The following EPB41 variants were observed in gnomAD, a reference collection of about 807,000 sequenced individuals.
EPB41 encodes the protein erythrocyte membrane protein band 4.1.
Under a neutral mutation model 108.0 loss-of-function variants are expected in EPB41, and 65 were observed. The observed-to-expected ratio is 0.60, with a 90% CI of 0.49 to 0.74. The LOEUF (loss-of-function observed/expected upper bound fraction) is 0.74. Ranked by LOEUF, EPB41 falls within the 30% of genes least tolerant of loss-of-function variation. The probability of loss-of-function intolerance (pLI) is 0.00; values close to 1 mark genes in which losing one functional copy is unlikely to be tolerated. For synonymous variants in EPB41, 336 were observed against 358.9 expected (o/e 0.94, Z 0.72); for missense variants, 875 against 1,037.0 (o/e 0.84, Z 2.15).
intron 10 of EPB41, among the ~76,000 whole-genome samples, chr1:29,037,346 T>C (rs1026054708): frequency 5.3e-5 from 8 of 152,018 alleles, no homozygotes; most frequent in African/African-American, 1.9e-4. Context: ...CCTCCCAGAG[T>C]GCTGGGATTA....
chr1:28,967,810 C>CTTTT lies in EPB41; in HGVS notation c.-7-19606_-7-19603dup, dbSNP rs1278947795. 2.3e-3 allele frequency among the ~76,000 whole-genome samples: 276 copies of CTTTT among 121,154 alleles called. 3 individuals are homozygous for CTTTT. The highest frequency in any genetic ancestry group is 7.7e-3 in the African/African-American group (250 of 32,664). 79.5% of individuals were successfully genotyped at this position (121,154 alleles called of 152,430 possible). A position where few individuals can be genotyped will look rare whatever the true frequency, so the allele number is the denominator to read the frequency against. On this transcript the variant is annotated intron_variant, in intron 1 of 20. Coordinates refer to ENST00000343067, the MANE Select transcript of EPB41 (RefSeq NM_001376013.1). ...AGCTCCATTCTTTAATGGGCCTTGT[C>CTTTT]TTTTTTTTTTTTTTTTTTGAGTCTT...
At chr1:28,917,315 C>G (rs1451030546) in intron 1 of EPB41, among the ~76,000 whole-genome samples, 1 of 151,862 alleles carries the variant, frequency 6.6e-6, no homozygotes. Flanking sequence ...GAGTCTTACT[C>G]TGTCACACAG....
chr1:28,935,467 A>ACCC (rs71022381), intron 1 of EPB41, among the ~76,000 whole-genome samples: 11 of 64,210 alleles, frequency 1.7e-4, no homozygotes, highest in Non-Finnish European at 2.3e-4. Context: ...ACACACACAC[A>ACCC]CCCCCCCCCC....
intron 8 of EPB41, among the ~76,000 whole-genome samples, chr1:29,032,714 A>C (rs1282019428): frequency 6.6e-6 from 1 of 152,182 alleles, no homozygotes; most frequent in Non-Finnish European, 1.5e-5. Context: ...CTTAGGGATC[A>C]TATTTTTAAT....
chr1:28,891,160 C>A (rs1158720971), intron 1 of EPB41, among the ~76,000 whole-genome samples: 1 of 152,222 alleles, frequency 6.6e-6, no homozygotes, highest in Non-Finnish European at 1.5e-5. Context: ...CAACTTTGGA[C>A]CTCAGTTGCC....
At chr1:28,965,547 A>G (rs1221910911) in intron 1 of EPB41, among the ~76,000 whole-genome samples, 1 of 152,192 alleles carries the variant, frequency 6.6e-6, no homozygotes, top group Non-Finnish European at 1.5e-5. Flanking sequence ...TGTTTGGCTC[A>G]TGATCTTTTC....
chr1:28,906,015 T>C (rs203295), intron 1 of EPB41, among the ~76,000 whole-genome samples: 18,675 of 151,970 alleles, frequency 0.12, 1,580 homozygotes, highest in African/African-American at 0.25. Context: ...GATATGGTTT[T>C]GCCATGTTGG....
chr1:29,060,333 T>A lies in EPB41; in HGVS notation c.1945-89T>A, dbSNP rs1646293633. 7.9e-6 allele frequency: 9 copies of A among 1,145,900 alleles called. No homozygotes were observed. The South Asian group carries it at 1.1e-4, about 15-fold the overall frequency. The allele number at this position is 1,145,900 out of a possible 1,614,324, so 71.0% of individuals were successfully genotyped here. A position where few individuals can be genotyped will look rare whatever the true frequency, so the allele number is the denominator to read the frequency against. The stretch of plus-strand genomic sequence containing the variant: ...CTGTGGACATTTATTTTTAAATATT[T>A]TTTGGTTTGCCAATTTTCAGTTTTT... On this transcript the variant is annotated intron_variant, in intron 14 of 20. Transcript: ENST00000343067.
At chr1:29,113,689 A>C (rs1289222126) in intron 19 of EPB41, among the ~76,000 whole-genome samples, 1 of 152,130 alleles carries the variant, frequency 6.6e-6, no homozygotes, top group African/African-American at 2.4e-5. Context: ...TATATTACCA[A>C]CCTGAGCTCT....
Position 28,887,250 on chromosome 1 carries a change from G to C in EPB41, c.-8+40G>C. 1 of 1,277,850 alleles carries C rather than the reference G, an allele frequency of 7.8e-7. No homozygotes were observed. The highest frequency in any genetic ancestry group is 1.0e-6 in the Non-Finnish European group (1 of 983,906). The allele number at this position is 1,277,850 out of a possible 1,614,324, so 79.2% of individuals were successfully genotyped here. A position where few individuals can be genotyped will look rare whatever the true frequency, so the allele number is the denominator to read the frequency against. ...CCTGGGGGGCGACCCTCGGTCCCCG[G>C]GAGGGACGGGGTTAGGGACAGAAGA... On this transcript the variant is annotated intron_variant, in intron 1 of 16. Transcript: ENST00000347529. The surrounding 1 kb of genome is among the most constrained non-coding windows in gnomAD (Gnocchi z 4.9).
intron 1 of EPB41, among the ~76,000 whole-genome samples, chr1:28,977,656 G>A (rs1232868522): frequency 6.6e-6 from 1 of 152,062 alleles, no homozygotes; most frequent in Non-Finnish European, 1.5e-5. Context: ...TGAAAATAGT[G>A]TCATTTACAT....
Position 29,105,743 on chromosome 1 carries a change from C to CTTT in EPB41, c.2314-3572_2314-3570dup, listed in dbSNP as rs63685960. On this transcript the variant is annotated intron_variant, in intron 17 of 20. Transcript: ENST00000343067. ...CTGCTATGAATGTTCATGTACAGAT[C>CTTT]TTTTTTTTTTTTTTTTTTTTTTTGA... Among the ~76,000 whole-genome samples the CTTT allele has an allele frequency of 9.1e-3, 830 of 90,972 alleles. 4 individuals carry two copies. The highest frequency in any genetic ancestry group is 0.012 in the Non-Finnish European group (568 of 49,344). 59.7% of individuals were successfully genotyped at this position (90,972 alleles called of 152,430 possible). A position where few individuals can be genotyped will look rare whatever the true frequency, so the allele number is the denominator to read the frequency against.
At chr1:29,030,521 G>A in intron 8 of EPB41, 34 bp downstream of exon 8, 1 of 1,446,394 alleles carries the variant, frequency 6.9e-7, no homozygotes, top group Non-Finnish European at 9.7e-7. Context: ...TAATATGCAT[G>A]TGGAAGATAT....
chr1:29,043,457 C>T (rs1366562181), intron 11 of EPB41, among the ~76,000 whole-genome samples: 1 of 152,202 alleles, frequency 6.6e-6, no homozygotes, highest in Non-Finnish European at 1.5e-5. Context: ...TTTGTGATAT[C>T]CAGTTCAGCA....
chr1:29,008,584 A>G (rs531774886), intron 4 of EPB41, among the ~76,000 whole-genome samples: 42 of 152,302 alleles, frequency 2.8e-4, no homozygotes, highest in Non-Finnish European at 1.5e-4. Context: ...GACCACAGTT[A>G]TCATTCTCAA....
chr1:28,976,053 C>A (rs1003087311), intron 1 of EPB41, among the ~76,000 whole-genome samples: 1 of 151,204 alleles, frequency 6.6e-6, no homozygotes, highest in African/African-American at 2.4e-5. Context: ...CTGTGCATAA[C>A]TTCTCAACAG....
At chr1:29,039,193 T>C in intron 10 of EPB41, 61 bp from the exon 11 acceptor site, 3 of 1,516,326 alleles carry the variant, frequency 2.0e-6, no homozygotes, top group Non-Finnish European at 2.7e-6. Context: ...TTTTTAATTT[T>C]ACAGTTTTAG....
chr1:28,994,968 T>TTTTTTTTTTTTTTTTTTG (rs1553225075), intron 3 of EPB41, among the ~76,000 whole-genome samples: 1 of 147,478 alleles, frequency 6.8e-6, no homozygotes. Context: ...CCTTATTTCT[T>TTTTTTTTTTTTTTTTTTG]AATCACATTA....
At chr1:29,025,177 A>G (rs184935214) in intron 7 of EPB41, among the ~76,000 whole-genome samples, 1 of 152,114 alleles carries the variant, frequency 6.6e-6, no homozygotes, top group Admixed American at 6.5e-5. Context: ...CCCTCCATTT[A>G]TTGGTATTAG....
Sources: gnomAD v4.1 joint callset for allele counts (sites outside exome capture counted in the v4.1 genomes callset) on GRCh38, gnomAD v4.1.1 for gene constraint, Gnocchi (gnomAD v3.1) non-coding constraint, MANE v1.5 for transcripts, NCBI Gene and HGNC (gene_info 2026-07-23, HGNC 2026-07-21) for gene names.